Variants in VWA3A observed in about 807,000 individuals in gnomAD.
VWA3A encodes von Willebrand factor A domain-containing protein 3A.
Under a neutral mutation model 160.4 loss-of-function variants are expected in VWA3A, and 134 were observed. That is an observed-to-expected ratio of 0.84 (90% CI 0.73 to 0.96). The LOEUF (loss-of-function observed/expected upper bound fraction) is 0.96, where lower values mean the gene tolerates loss of function less well. VWA3A is among the 40% of genes least tolerant of loss of function. VWA3A has a pLI of 0.00. For synonymous variants in VWA3A, 476 were observed against 543.4 expected (o/e 0.88, Z 1.72); for missense variants, 1,310 against 1,447.9 (o/e 0.90, Z 1.55).
At chr16:22,115,859 A>AAGGAAGGAAGGAAGGAAGGG (rs2045623429) in intron 9 of VWA3A, among the ~76,000 whole-genome samples, 1 of 7,592 alleles carries the variant, frequency 1.3e-4, no homozygotes, top group Non-Finnish European at 2.2e-4. Context: ...GGAAGGAAGG[A>AAGGAAGGAAGGAAGGAAGGG]AGGAAGGAAG....
chr16:22,120,892 G>C, intron 12 of VWA3A, 76 bp from the exon 13 acceptor site: 2 of 1,554,776 alleles, frequency 1.3e-6, no homozygotes, highest in Non-Finnish European at 1.8e-6. Flanking sequence ...TGCATTGACT[G>C]GGTGGAGGGT....
rs535278742 is a variant in VWA3A, at chr16:22,101,128, A to T, written c.428+635A>T. 3.3e-5 allele frequency among the ~76,000 whole-genome samples: 5 copies of T among 152,238 alleles called. No homozygotes were observed. The South Asian group carries it at 1.0e-3, about 32-fold the overall frequency. ...AGTCTAGGGCCAGGCATGGTGGTCC[A>T]TGCCTATAATCCTAGCGCTTTGAGA... On this transcript the variant is annotated intron_variant, in intron 5 of 33. Transcript: ENST00000389398.
At chr16:22,106,396 A>T (rs1325821125) in intron 6 of VWA3A, among the ~76,000 whole-genome samples, 1 of 152,086 alleles carries the variant, frequency 6.6e-6, no homozygotes, top group Non-Finnish European at 1.5e-5. Context: ...AAAATAAAAT[A>T]AAAAATAAAT....
At chr16:22,093,326 A>C (rs1354451666) in intron 1 of VWA3A, among the ~76,000 whole-genome samples, 1 of 152,196 alleles carries the variant, frequency 6.6e-6, no homozygotes. Context: ...GAATGTATTT[A>C]CTGTTAAGTA....
intron 5 of VWA3A, 33 bp from the exon 6 acceptor site, chr16:22,103,442 C>T: frequency 1.3e-6 from 2 of 1,549,114 alleles, no homozygotes; most frequent in Non-Finnish European, 1.7e-6. Flanking sequence ...TGACGCTGGC[C>T]TTGGGTGATG....
At chr16:22,114,296 C>T (rs1395486559) in intron 8 of VWA3A, among the ~76,000 whole-genome samples, 1 of 152,152 alleles carries the variant, frequency 6.6e-6, no homozygotes, top group African/African-American at 2.4e-5. Context: ...AAGAAAGAAT[C>T]AAGTTATTTT....
intron 22 of VWA3A, among the ~76,000 whole-genome samples, chr16:22,139,892 C>T (rs1013479831): frequency 2.0e-5 from 3 of 152,150 alleles, no homozygotes; most frequent in Non-Finnish European, 2.9e-5. Context: ...CACACACACA[C>T]ACATGCATAC....
intron 13 of VWA3A, 60 bp downstream of exon 13, chr16:22,121,163 C>T (rs1028992990): frequency 2.6e-5 from 42 of 1,609,026 alleles, no homozygotes; most frequent in East Asian, 6.7e-5. Flanking sequence ...GGCTTGAATC[C>T]GGCCGGGCAC....
intron 6 of VWA3A, among the ~76,000 whole-genome samples, chr16:22,108,376 G>A (rs185640439): frequency 4.6e-5 from 7 of 152,344 alleles, no homozygotes; most frequent in Admixed American, 2.0e-4. Context: ...AGTAATGCAA[G>A]TCAAATGTTA....
chr16:22,153,052 G>A (rs1232219328), intron 31 of VWA3A, among the ~76,000 whole-genome samples: 1 of 152,120 alleles, frequency 6.6e-6, no homozygotes, highest in East Asian at 1.9e-4. Context: ...CAAGGTTTAA[G>A]AATACACCTA....
intron 15 of VWA3A, 104 bp downstream of exon 15, chr16:22,123,269 C>T (rs2141921506): frequency 2.5e-6 from 3 of 1,221,478 alleles, no homozygotes; most frequent in East Asian, 2.5e-5. Flanking sequence ...TCAACTCCCT[C>T]TTGTAAAGAG....
intron 31 of VWA3A, among the ~76,000 whole-genome samples, chr16:22,155,118 C>A (rs2046419119): frequency 6.6e-6 from 1 of 152,074 alleles, no homozygotes; most frequent in South Asian, 2.1e-4. Context: ...CACGCCACTG[C>A]CCTGCAGCCA....
chr16:22,120,865 G>A, intron 12 of VWA3A, 103 bp from the exon 13 acceptor site: 1 of 1,430,408 alleles, frequency 7.0e-7, no homozygotes, highest in South Asian at 1.3e-5. Context: ...ACCAGGGAGT[G>A]TTTAAGAAGC....
intron 9 of VWA3A, chr16:22,116,468 A>C: frequency 2.0e-6 from 1 of 493,272 alleles, no homozygotes; most frequent in Non-Finnish European, 3.7e-6. Context: ...GAAAGAAGGA[A>C]GAGAGAGAAA....
chr16:22,149,690 G>A, intron 28 of VWA3A, 97 bp from the exon 29 acceptor site: 1 of 1,397,840 alleles, frequency 7.2e-7, no homozygotes, highest in Non-Finnish European at 9.5e-7. Flanking sequence ...TAGTCCTCAT[G>A]AGGGTAACTT....
intron 26 of VWA3A, among the ~76,000 whole-genome samples, chr16:22,145,700 CAAA>C (rs201547176): frequency 4.4e-4 from 63 of 144,494 alleles, no homozygotes; most frequent in Non-Finnish European, 8.1e-4. Context: ...CTGCATTTAC[CAAA>C]AAAAAAATCT....
chr16:22,103,780 A>C (rs2045443087), intron 6 of VWA3A, among the ~76,000 whole-genome samples: 1 of 152,060 alleles, frequency 6.6e-6, no homozygotes. Flanking sequence ...CAGGCATAGG[A>C]AGGTGGTGAT....
intron 9 of VWA3A, among the ~76,000 whole-genome samples, chr16:22,116,120 AAAG>A (rs2045638433): frequency 6.6e-6 from 1 of 151,368 alleles, no homozygotes. Flanking sequence ...AACAAGAAAA[AAAG>A]AAAGGAAGGA....
chr16:22,110,768 A>T, intron 7 of VWA3A, 120 bp from the exon 8 acceptor site: 1 of 800,438 alleles, frequency 1.2e-6, no homozygotes, highest in Non-Finnish European at 1.8e-6. Flanking sequence ...CCCAGCCTCG[A>T]GCAGCCCTAT....
Sources: gnomAD v4.1 joint callset for allele counts (sites outside exome capture counted in the v4.1 genomes callset) on GRCh38, gnomAD v4.1.1 for gene constraint, MANE v1.5 for transcripts, NCBI Gene and HGNC (gene_info 2026-07-23, HGNC 2026-07-21) for gene names.